The following ANKRD55 variants were observed in gnomAD, a reference collection of about 807,000 sequenced individuals.
ANKRD55 encodes ankyrin repeat domain-containing protein 55.
In ANKRD55, 41 loss-of-function variants were observed where a neutral mutation model predicts 60.6. That is an observed-to-expected ratio of 0.68 (90% confidence interval 0.53 to 0.88). ANKRD55 has a LOEUF of 0.88. Ranked by LOEUF, ANKRD55 falls within the 40% of genes least tolerant of loss-of-function variation. The pLI is 0.00. For missense variants in ANKRD55, 732 were observed against 767.6 expected (o/e 0.95, Z 0.55); for synonymous variants, 264 against 290.3 (o/e 0.91, Z 0.92).
chr5:56,161,091 T>C (rs1758318510), intron 5 of ANKRD55, among the ~76,000 whole-genome samples: 1 of 151,992 alleles, frequency 6.6e-6, no homozygotes, highest in South Asian at 2.1e-4. Flanking sequence ...ATTTCTAGAG[T>C]GCTTAACCCC....
intron 9 of ANKRD55, among the ~76,000 whole-genome samples, chr5:56,116,224 G>A (rs1317039196): frequency 6.6e-6 from 1 of 152,148 alleles, no homozygotes; most frequent in Non-Finnish European, 1.5e-5. Context: ...TTATCTGGGG[G>A]CCCTTAATAA....
intron 2 of ANKRD55, among the ~76,000 whole-genome samples, chr5:56,221,509 G>T (rs1483559694): frequency 6.6e-6 from 1 of 152,146 alleles, no homozygotes; most frequent in Non-Finnish European, 1.5e-5. Context: ...CAGGACAGTG[G>T]ATGCAGCCCA....
intron 2 of ANKRD55, among the ~76,000 whole-genome samples, chr5:56,202,167 G>T (rs965905000): frequency 6.6e-6 from 1 of 152,070 alleles, no homozygotes; most frequent in Non-Finnish European, 1.5e-5. Context: ...GGGGAGAGGG[G>T]GAGCATCAGG....
At chr5:56,153,519 T>G (rs1396640471) in intron 6 of ANKRD55, among the ~76,000 whole-genome samples, 1 of 152,176 alleles carries the variant, frequency 6.6e-6, no homozygotes, top group Non-Finnish European at 1.5e-5. Context: ...ATTTTGATAT[T>G]ATGTAACATG....
At chr5:56,200,429 CCTAA>C (rs1759337376) in intron 2 of ANKRD55, among the ~76,000 whole-genome samples, 1 of 152,014 alleles carries the variant, frequency 6.6e-6, no homozygotes, top group African/African-American at 2.4e-5. Context: ...GGTCAAAAAA[CCTAA>C]CTGATTTCTG....
chr5:56,163,869 A>G (rs1434399106), intron 5 of ANKRD55, among the ~76,000 whole-genome samples: 1 of 152,156 alleles, frequency 6.6e-6, no homozygotes, highest in African/African-American at 2.4e-5. Context: ...AGGTGGGCAG[A>G]TCACCTGAAG....
At chr5:56,109,495 C>T (rs1479995645) in intron 10 of ANKRD55, among the ~76,000 whole-genome samples, 1 of 151,296 alleles carries the variant, frequency 6.6e-6, no homozygotes, top group Non-Finnish European at 1.5e-5. Flanking sequence ...TGTTTTGCAG[C>T]CTCTGCTTTT....
chr5:56,129,801 T>G (rs1757363122), intron 7 of ANKRD55, among the ~76,000 whole-genome samples: 1 of 152,218 alleles, frequency 6.6e-6, no homozygotes, highest in South Asian at 2.1e-4. Flanking sequence ...GCTTGTCTTG[T>G]GATGGTGACC....
chr5:56,132,976 G>A lies in ANKRD55; in HGVS notation c.613-5870C>T, dbSNP rs985100676. ...GGTCAGTTCTCCAAGAAGACATAAC[G>A]ATCCTTATGTACCGAACAACACAGC... On this transcript the variant is annotated intron_variant, in intron 7 of 11. Coordinates refer to ENST00000341048, the MANE Select transcript of ANKRD55 (RefSeq NM_024669.3). Among the ~76,000 whole-genome samples, 10 of 152,248 alleles carry A rather than the reference G, an allele frequency of 6.6e-5. No individual in the cohort carries two copies. In the South Asian group the frequency reaches 1.0e-3, roughly 16 times the overall value.
chr5:56,135,422 T>A (rs143509150), intron 7 of ANKRD55, among the ~76,000 whole-genome samples: 77 of 150,972 alleles, frequency 5.1e-4, no homozygotes, highest in African/African-American at 1.8e-3. Context: ...CAGGCTGGAG[T>A]GCAGTGGTGC....
At position 56,112,504 on chromosome 5, in the gene ANKRD55, CAAAAAA is replaced by C. The variant is rs1187255213; in HGVS notation, c.966-728_966-723del. Among the ~76,000 whole-genome samples, 190 of 25,662 alleles carry C rather than the reference CAAAAAA, an allele frequency of 7.4e-3. 6 individuals are homozygous for C. The highest frequency in any genetic ancestry group is 0.031 in the African/African-American group (169 of 5,530). The allele number at this position is 25,662 out of a possible 152,430, so 16.8% of individuals were successfully genotyped here. A position where few individuals can be genotyped will look rare whatever the true frequency, so the allele number is the denominator to read the frequency against. On this transcript the variant is annotated intron_variant, in intron 9 of 11. Coordinates refer to ENST00000341048, the MANE Select transcript of ANKRD55 (RefSeq NM_024669.3). ...CAACATGGCAGGATCTCATCTCTAG[CAAAAAA>C]AAAAAAAAAAAACAACCAAGGAAAG...
rs1161162147 is a variant in ANKRD55, at chr5:56,100,222, C to T, written c.1806G>A (p.Glu602=). ...SQRRHSTAAE[E]SEHSANPTSD... is the part of the protein sequence containing the mutation. ...TGGTGGGGTTGGCAGAATGTTCACT[C>T]TCTTCTGCTGCTGTGCTGTGTCTTC... Residue 602 remains glutamate, a synonymous_variant, in exon 12 of 12, where the codon GAG becomes GAA. Transcript: ENST00000341048. 1.2e-6 allele frequency: 2 copies of T among 1,614,098 alleles called. No homozygotes were observed. Among genetic ancestry groups the T allele is most frequent in the Non-Finnish European group, 1.7e-6 (2 of 1,180,034 alleles).
At chr5:56,184,461 C>A (rs1041002083) in intron 2 of ANKRD55, among the ~76,000 whole-genome samples, 8 of 152,250 alleles carry the variant, frequency 5.3e-5, no homozygotes, top group Non-Finnish European at 7.3e-5. Flanking sequence ...GCTGTCCCTT[C>A]ATGAAAGTCT....
chr5:56,192,901 A>G, intron 2 of ANKRD55: 1 of 641,176 alleles, frequency 1.6e-6, no homozygotes, highest in Non-Finnish European at 2.7e-6. Context: ...GTCTAAAAGT[A>G]TTTTTTATGA....
intron 2 of ANKRD55, among the ~76,000 whole-genome samples, chr5:56,230,541 C>A (rs1367011478): frequency 6.6e-6 from 1 of 152,112 alleles, no homozygotes; most frequent in Non-Finnish European, 1.5e-5. Flanking sequence ...TCATGAAAAA[C>A]CCTCAACTAA....
chr5:56,123,656 G>T (rs1183463723), intron 8 of ANKRD55, among the ~76,000 whole-genome samples: 2 of 152,120 alleles, frequency 1.3e-5, no homozygotes, highest in Non-Finnish European at 2.9e-5. Flanking sequence ...AACATGTGAT[G>T]ATTCACTCAG....
intron 7 of ANKRD55, among the ~76,000 whole-genome samples, chr5:56,141,860 T>C (rs1054530306): frequency 3.9e-5 from 6 of 152,226 alleles, no homozygotes; most frequent in Admixed American, 6.5e-5. Context: ...ATCACTATCA[T>C]ATGCATGGTC....
At chr5:56,217,697 G>A (rs113156548) in intron 2 of ANKRD55, among the ~76,000 whole-genome samples, 15,023 of 152,006 alleles carry the variant, frequency 0.099, 1,331 homozygotes, top group African/African-American at 0.24. Flanking sequence ...GATTGAGACC[G>A]TCCTGGCTAA....
chr5:56,204,633 G>A (rs6869018), intron 2 of ANKRD55, among the ~76,000 whole-genome samples: 11,916 of 152,028 alleles, frequency 0.078, 739 homozygotes, highest in African/African-American at 0.17. Context: ...AGGCCTCCCC[G>A]ACACTGCAGA....
Sources: allele counts gnomAD v4.1 joint callset (sites outside exome capture counted in the v4.1 genomes callset), GRCh38; gene constraint gnomAD v4.1.1; transcripts MANE v1.5; gene names NCBI Gene and HGNC (gene_info 2026-07-23, HGNC 2026-07-21).